The following FLRT1 variants were observed in gnomAD, a reference collection of about 807,000 sequenced individuals.
FLRT1 encodes the protein leucine-rich repeat transmembrane protein FLRT1.
Under a neutral mutation model 30.9 loss-of-function variants are expected in FLRT1, and 14 were observed. The ratio of observed to expected loss-of-function variants is 0.45; its 90% CI spans 0.30 to 0.71. The LOEUF is 0.71. Ranked by LOEUF, FLRT1 falls within the 30% of genes least tolerant of loss-of-function variation. The pLI, the probability that FLRT1 is intolerant of heterozygous loss-of-function variation, is 0.08. For missense variants in FLRT1, 737 were observed against 949.2 expected, an observed-to-expected ratio of 0.78 and a Z score of 2.94; for synonymous variants, 368 against 430.4, an observed-to-expected ratio of 0.85 and a Z score of 1.80.
In FLRT1 at chr11:64,117,403, T is replaced by C. The variant is rs1945008584; in HGVS notation, c.1136T>C (p.Phe379Ser). The C allele has an allele frequency of 6.2e-7, 1 of 1,612,180 alleles. No homozygotes were observed. The highest frequency in any genetic ancestry group is 1.1e-5 in the South Asian group (1 of 91,024). ...ATTACCAGCGAGATGGACGAGTGTT[T>C]TGAGACGGGGCCGCAGGGCGGCGTG... Reference protein sequence around the residue: ...KDITSEMDECFETGPQGGVAN... With the variant: ...KDITSEMDECSETGPQGGVAN... The change falls in exon 3 of 3, where the codon TTT (phenylalanine) becomes TCT (serine). Residue 379 changes from phenylalanine (F) to serine (S), a missense_variant. Coordinates refer to ENST00000682287, the MANE Select transcript of FLRT1 (RefSeq NM_013280.5).
intron 1 of FLRT1, among the ~76,000 whole-genome samples, chr11:64,061,531 G>A (rs1024769725): frequency 2.0e-5 from 3 of 152,120 alleles, no homozygotes; most frequent in Non-Finnish European, 4.4e-5. Flanking sequence ...TGTGATCACC[G>A]GTCTTGTTCA....
intron 1 of FLRT1, among the ~76,000 whole-genome samples, chr11:64,051,606 G>A (rs928249996): frequency 4.6e-5 from 7 of 152,216 alleles, no homozygotes; most frequent in East Asian, 1.9e-4. Context: ...TGCCACCACC[G>A]CCATTCCTGC....
rs983460862 is a variant in FLRT1 at position 64,082,189 on chromosome 11, C to G, written c.-1037-21005C>G. ...GCCAGGAGCAGGCCAGAGCCAGGAGCAGGCGCGAAACATCCCTTAAATATT... is the reference window on the plus strand; with the variant it reads ...GCCAGGAGCAGGCCAGAGCCAGGAGGAGGCGCGAAACATCCCTTAAATATT... On this transcript the variant is annotated intron_variant, in intron 1 of 2. Coordinates refer to ENST00000682287, the MANE Select transcript of FLRT1 (RefSeq NM_013280.5). This position sits in a 1 kb window ranked among gnomAD's most constrained non-coding sequence, Gnocchi z 4.5. 6.6e-6 allele frequency: 1 copy of G among 152,336 alleles called. No individual in the cohort carries two copies. The highest frequency in any genetic ancestry group is 1.5e-5 in the Non-Finnish European group (1 of 68,212). The allele number at this position is 152,336 out of a possible 1,614,324, so 9.4% of individuals were successfully genotyped here.
intron 1 of FLRT1, among the ~76,000 whole-genome samples, chr11:64,080,981 T>A (rs1373482023): frequency 6.6e-6 from 1 of 152,314 alleles, no homozygotes; most frequent in African/African-American, 2.4e-5. Flanking sequence ...GAAGTCTGTT[T>A]AATGAGGGGA....
intron 2 of FLRT1, among the ~76,000 whole-genome samples, chr11:64,107,714 G>A (rs1158835773): frequency 1.3e-5 from 2 of 152,258 alleles, no homozygotes; most frequent in Non-Finnish European, 1.5e-5. Context: ...GGTGATGGGT[G>A]TGGCTGGCTG....
At chr11:64,105,795 G>T (rs1279149161) in intron 2 of FLRT1, among the ~76,000 whole-genome samples, 1 of 152,194 alleles carries the variant, frequency 6.6e-6, no homozygotes, top group Non-Finnish European at 1.5e-5. Flanking sequence ...AAGGCCCCAG[G>T]AGGTGGGCGG....
chr11:64,046,701 G>A (rs1943590456), intron 1 of FLRT1, among the ~76,000 whole-genome samples: 1 of 152,066 alleles, frequency 6.6e-6, no homozygotes, highest in African/African-American at 2.4e-5. Flanking sequence ...GTTTCACCAT[G>A]TTGGTCAGGC....
intron 1 of FLRT1, among the ~76,000 whole-genome samples, chr11:64,072,576 C>G (rs1590869675): frequency 6.6e-6 from 1 of 152,374 alleles, no homozygotes; most frequent in South Asian, 2.1e-4. Context: ...TGACGTGTGG[C>G]CTTGGCCATG....
At chr11:64,070,954 G>A (rs901318885) in intron 1 of FLRT1, among the ~76,000 whole-genome samples, 8 of 152,116 alleles carry the variant, frequency 5.3e-5, no homozygotes, top group African/African-American at 1.9e-4. Context: ...CCAAGGAGGG[G>A]CTGTCTTTAT....
intron 1 of FLRT1, among the ~76,000 whole-genome samples, chr11:64,062,170 T>C (rs1358978191): frequency 6.6e-6 from 1 of 152,116 alleles, no homozygotes; most frequent in African/African-American, 2.4e-5. Flanking sequence ...TTCCTCTGGC[T>C]GAGCACCCAC....
chr11:64,110,512 G>C (rs1944842519), intron 2 of FLRT1, among the ~76,000 whole-genome samples: 1 of 151,890 alleles, frequency 6.6e-6, no homozygotes, highest in Non-Finnish European at 1.5e-5. Flanking sequence ...TTTGAACCCA[G>C]GCCTCTCTGT....
chr11:64,072,208 C>G (rs1944122231), intron 1 of FLRT1, among the ~76,000 whole-genome samples: 1 of 152,090 alleles, frequency 6.6e-6, no homozygotes, highest in African/African-American at 2.4e-5. Context: ...CTGCTTCATC[C>G]TCAGCTGCTG....
rs1432202519 is a variant in FLRT1, at chr11:64,096,099, T to C, written c.-1037-7095T>C. The stretch of plus-strand genomic sequence containing the variant: ...CGTGGGGCCCACTTCACAGCCAGGC[T>C]GCCAGGAGACGCTGTGAGAGTGCCC... On this transcript the variant is annotated intron_variant, in intron 1 of 2. Transcript: ENST00000682287. The surrounding 1 kb of genome is among the most constrained non-coding windows in gnomAD (Gnocchi z 4.6). Among the ~76,000 whole-genome samples, 1 of 152,218 alleles carries C rather than the reference T, an allele frequency of 6.6e-6. No individual in the cohort carries two copies. The highest frequency in any genetic ancestry group is 1.5e-5 in the Non-Finnish European group (1 of 68,046).
chr11:64,038,086 C>T (rs532400914), intron 1 of FLRT1, among the ~76,000 whole-genome samples: 1 of 152,284 alleles, frequency 6.6e-6, no homozygotes, highest in South Asian at 2.1e-4. Context: ...TCAGTGGCAG[C>T]GCCCTGTGTC....
chr11:64,083,525 G>A (rs908124585), intron 1 of FLRT1, among the ~76,000 whole-genome samples: 10 of 152,110 alleles, frequency 6.6e-5, no homozygotes, highest in African/African-American at 1.9e-4. Context: ...TTTCCATCCC[G>A]TCTCCCTCCC....
At chr11:64,106,091 G>A (rs1315826545) in intron 2 of FLRT1, among the ~76,000 whole-genome samples, 1 of 152,150 alleles carries the variant, frequency 6.6e-6, no homozygotes, top group Non-Finnish European at 1.5e-5. Flanking sequence ...GGGTGAGGAG[G>A]GATGGCCAAG....
chr11:64,057,627 AC>A (rs937127808), intron 1 of FLRT1, among the ~76,000 whole-genome samples: 1 of 152,162 alleles, frequency 6.6e-6, no homozygotes, highest in African/African-American at 2.4e-5. Flanking sequence ...AAGGGCCTGG[AC>A]CCCTTGAAGA....
intron 1 of FLRT1, among the ~76,000 whole-genome samples, chr11:64,041,514 T>C (rs1435248618): frequency 6.7e-6 from 1 of 149,332 alleles, no homozygotes; most frequent in Non-Finnish European, 1.5e-5. Flanking sequence ...CTGGAGGGTG[T>C]GTTGGGGGAC....
chr11:64,074,464 G>T (rs1944165873), intron 1 of FLRT1, among the ~76,000 whole-genome samples: 2 of 152,224 alleles, frequency 1.3e-5, no homozygotes, highest in African/African-American at 4.8e-5. Flanking sequence ...CCGTGGGAGG[G>T]AGGACCTGTC....
Sources: allele counts gnomAD v4.1 joint callset (sites outside exome capture counted in the v4.1 genomes callset), GRCh38; gene constraint gnomAD v4.1.1; non-coding constraint Gnocchi (gnomAD v3.1); transcripts MANE v1.5; gene names NCBI Gene and HGNC (gene_info 2026-07-23, HGNC 2026-07-21).